SLC25A28: variants seen among roughly 807,000 people sequenced by gnomAD.
The protein encoded by SLC25A28 is solute carrier family 25 member 28.
SLC25A28 carries 10 observed loss-of-function variants against 31.9 expected under a neutral mutation model. The observed-to-expected ratio is 0.31, with a 90% CI of 0.19 to 0.53. SLC25A28 has a LOEUF of 0.53. SLC25A28 is among the 20% of genes least tolerant of loss of function. The pLI is 0.95. For synonymous variants in SLC25A28, 208 were observed against 203.6 expected (o/e 1.02, Z -0.19); for missense variants, 256 against 490.3 (o/e 0.52, Z 4.51).
At chr10:99,617,844 C>A (rs1352796293) in intron 1 of SLC25A28, 1 of 914,772 alleles carries the variant, frequency 1.1e-6, no homozygotes, top group Non-Finnish European at 1.3e-6. Context: ...ACAAAAATTC[C>A]AAAGTTTATG....
the SLC25A28 span, among the ~76,000 whole-genome samples, chr10:99,653,224 A>T: frequency 6.6e-6 from 1 of 152,180 alleles, no homozygotes; most frequent in African/African-American, 2.4e-5. Flanking sequence ...CATACAAAGG[A>T]TAAAGTTTCT....
At chr10:99,619,417 G>C in intron 1 of SLC25A28, 1 of 985,404 alleles carries the variant, frequency 1.0e-6, no homozygotes, top group Non-Finnish European at 1.2e-6. Context: ...AATAGGTGGG[G>C]TATCATGCTT....
the SLC25A28 span, among the ~76,000 whole-genome samples, chr10:99,626,689 T>G: frequency 2.6e-5 from 4 of 152,184 alleles, no homozygotes; most frequent in Non-Finnish European, 2.9e-5. Flanking sequence ...GACTTACATA[T>G]ATTCCTGTTA....
the SLC25A28 span, among the ~76,000 whole-genome samples, chr10:99,636,047 G>A: frequency 6.6e-6 from 1 of 152,156 alleles, no homozygotes; most frequent in South Asian, 2.1e-4. Flanking sequence ...TCCACTGACG[G>A]CACTAGACAG....
At chr10:99,645,230 T>A in the SLC25A28 span, among the ~76,000 whole-genome samples, 1 of 152,234 alleles carries the variant, frequency 6.6e-6, no homozygotes, top group Admixed American at 6.5e-5. Flanking sequence ...TAGTCCCATA[T>A]TTCTTGGAGG....
the SLC25A28 span, among the ~76,000 whole-genome samples, chr10:99,638,096 C>T: frequency 2.0e-5 from 3 of 151,846 alleles, no homozygotes; most frequent in African/African-American, 7.3e-5. Context: ...TACAGAATGG[C>T]ATACAGAGCA....
the SLC25A28 span, among the ~76,000 whole-genome samples, chr10:99,658,199 A>T: frequency 6.6e-6 from 1 of 152,130 alleles, no homozygotes; most frequent in Non-Finnish European, 1.5e-5. Flanking sequence ...GTAATTAAGT[A>T]AGTAAGTAGT....
the SLC25A28 span, among the ~76,000 whole-genome samples, chr10:99,641,469 C>G: frequency 3.9e-5 from 6 of 151,906 alleles, no homozygotes; most frequent in African/African-American, 1.5e-4. Flanking sequence ...GGATATTAGC[C>G]CTTTGTCAGA....
At chr10:99,625,817 C>G in the SLC25A28 span, among the ~76,000 whole-genome samples, 5 of 152,092 alleles carry the variant, frequency 3.3e-5, no homozygotes, top group Non-Finnish European at 4.4e-5. Flanking sequence ...GAACACAGAC[C>G]CAGAAGATAA....
chr10:99,618,629 T>C (rs2034710312), intron 1 of SLC25A28: 1 of 985,364 alleles, frequency 1.0e-6, no homozygotes, highest in Admixed American at 6.1e-5. Flanking sequence ...TTTCTCCCAA[T>C]TGACAAGGAC....
the SLC25A28 span, among the ~76,000 whole-genome samples, chr10:99,628,492 C>G: frequency 6.6e-6 from 1 of 152,216 alleles, no homozygotes; most frequent in Non-Finnish European, 1.5e-5. Context: ...AGATTATTGG[C>G]TATGCCACTT....
chr10:99,620,339 C>G lies in SLC25A28; in HGVS notation c.-4G>C. The G allele has an allele frequency of 8.8e-7, 1 of 1,135,650 alleles. No individual in the cohort carries two copies. Among genetic ancestry groups the G allele is most frequent in the South Asian group, 4.3e-5 (1 of 23,446 alleles). 70.3% of individuals were successfully genotyped at this position (1,135,650 alleles called of 1,614,324 possible). A position where few individuals can be genotyped will look rare whatever the true frequency, so the allele number is the denominator to read the frequency against. ...CACCCCGCCCCTCCAACTCCATCCA[C>G]CCGGGCCAGCTGCGGCGCCCACCCC... On this transcript the variant is annotated 5_prime_UTR_variant, in exon 1 of 4. Transcript: ENST00000370495.
chr10:99,624,255 TTCTC>T (rs71009767), upstream of SLC25A28, among the ~76,000 whole-genome samples: 61,240 of 148,738 alleles, frequency 0.41, 12,949 homozygotes, highest in East Asian at 0.55. Context: ...TTCTTTTTCT[TTCTC>T]TCTCTCTCTT....
At chr10:99,654,025 T>G in the SLC25A28 span, 1 of 151,938 alleles carries the variant, frequency 6.6e-6, no homozygotes, top group Non-Finnish European at 1.5e-5. Flanking sequence ...TATGTAGGAG[T>G]TCATTTGGTA....
chr10:99,618,125 C>CTTG (rs2034700559), intron 1 of SLC25A28: 1 of 355,370 alleles, frequency 2.8e-6, no homozygotes. Flanking sequence ...TCAATTCCAT[C>CTTG]TTGTCACAGG....
the SLC25A28 span, among the ~76,000 whole-genome samples, chr10:99,651,177 T>C: frequency 6.6e-6 from 1 of 152,212 alleles, no homozygotes; most frequent in African/African-American, 2.4e-5. Context: ...TGGTGAGTCC[T>C]AGCATTCTCT....
At chr10:99,646,454 C>G in the SLC25A28 span, among the ~76,000 whole-genome samples, 1 of 152,232 alleles carries the variant, frequency 6.6e-6, no homozygotes, top group African/African-American at 2.4e-5. Context: ...CAGGTACCAT[C>G]TGTCACGGCT....
chr10:99,659,135 A>G, the SLC25A28 span, among the ~76,000 whole-genome samples: 1 of 152,124 alleles, frequency 6.6e-6, no homozygotes, highest in Non-Finnish European at 1.5e-5. This position sits in a 1 kb window ranked among gnomAD's most constrained non-coding sequence, Gnocchi z 4.1. Flanking sequence ...AACACCCTGA[A>G]CCCACCTACC....
At position 99,620,396 on chromosome 10, in the gene SLC25A28, C is replaced by T; in HGVS notation, c.-61G>A. Reference sequence around the variant, plus strand: ...CGCTGCCACCACTGCCGCCGCCGCCCCCCGGCCCCGTAGTGTCCGCCTCAG... The same window carrying T: ...CGCTGCCACCACTGCCGCCGCCGCCTCCCGGCCCCGTAGTGTCCGCCTCAG... On this transcript the variant is annotated 5_prime_UTR_variant, in exon 1 of 4. Coordinates refer to ENST00000370495, the MANE Select transcript of SLC25A28 (RefSeq NM_031212.4). The T allele has an allele frequency of 2.8e-6, 3 of 1,068,724 alleles. No homozygotes were observed. Among genetic ancestry groups the T allele is most frequent in the Non-Finnish European group, 3.4e-6 (3 of 884,472 alleles). The allele number at this position is 1,068,724 out of a possible 1,614,324, so 66.2% of individuals were successfully genotyped here. A position where few individuals can be genotyped will look rare whatever the true frequency, so the allele number is the denominator to read the frequency against.
Sources: gnomAD v4.1 joint callset for allele counts (sites outside exome capture counted in the v4.1 genomes callset) on GRCh38, gnomAD v4.1.1 for gene constraint, Gnocchi (gnomAD v3.1) non-coding constraint, MANE v1.5 for transcripts, NCBI Gene and HGNC (gene_info 2026-07-23, HGNC 2026-07-21) for gene names.